Variants in RBFOX1 observed in about 807,000 individuals in gnomAD.
RBFOX1 encodes RNA binding protein fox-1 homolog 1.
In RBFOX1, 8 loss-of-function variants were observed where a neutral mutation model predicts 57.7. The ratio of observed to expected loss-of-function variants is 0.14; its 90% CI spans 0.08 to 0.25. The LOEUF (loss-of-function observed/expected upper bound fraction) is 0.25. RBFOX1 is among the 10% of genes least tolerant of loss of function. RBFOX1 has a pLI of 1.00. For synonymous variants in RBFOX1, 326 were observed against 222.4 expected, an observed-to-expected ratio of 1.47 and a Z score of -4.15; for missense variants, 611 against 548.5, an observed-to-expected ratio of 1.11 and a Z score of -1.14.
At chr16:6,474,736 G>A (rs2095246352) in intron 2 of RBFOX1, among the ~76,000 whole-genome samples, 1 of 152,124 alleles carries the variant, frequency 6.6e-6, no homozygotes, top group Non-Finnish European at 1.5e-5. Flanking sequence ...CTTTCATACT[G>A]CTGCTGGGAA....
chr16:6,364,248 A>G (rs927107866), intron 2 of RBFOX1, among the ~76,000 whole-genome samples: 2 of 152,206 alleles, frequency 1.3e-5, no homozygotes, highest in African/African-American at 4.8e-5. Context: ...CACACAGTAT[A>G]AAGCCCTTTA....
intron 1 of RBFOX1, among the ~76,000 whole-genome samples, chr16:6,278,377 CAAAAAAAAAAAA>C (rs57523660): frequency 6.1e-4 from 17 of 28,070 alleles, no homozygotes; most frequent in South Asian, 2.9e-3. Context: ...TAGGACTCAC[CAAAAAAAAAAAA>C]AAAAAAAAAA....
intron 2 of RBFOX1, among the ~76,000 whole-genome samples, chr16:6,530,656 A>G (rs377099149): frequency 1.5e-4 from 23 of 152,204 alleles, no homozygotes; most frequent in African/African-American, 5.3e-4. Context: ...AGGCCTCACA[A>G]TCATGGTGGA....
At chr16:6,468,241 C>G (rs1272165996) in intron 2 of RBFOX1, among the ~76,000 whole-genome samples, 1 of 151,934 alleles carries the variant, frequency 6.6e-6, no homozygotes, top group Non-Finnish European at 1.5e-5. Flanking sequence ...TATGAAGGGC[C>G]CACAGTTTAC....
chr16:6,482,642 C>G (rs2095389646), intron 2 of RBFOX1, among the ~76,000 whole-genome samples: 1 of 152,080 alleles, frequency 6.6e-6, no homozygotes, highest in Non-Finnish European at 1.5e-5. Flanking sequence ...TCATTTAGTA[C>G]GTAACGTGGA....
In RBFOX1 at chr16:7,710,810, C is replaced by CA; in HGVS notation, c.*67dup. 2.2e-6 allele frequency: 3 copies of CA among 1,343,258 alleles called. No individual in the cohort carries two copies. The highest frequency in any genetic ancestry group is 3.0e-6 in the Non-Finnish European group (3 of 1,014,124). The allele number at this position is 1,343,258 out of a possible 1,614,324, so 83.2% of individuals were successfully genotyped here. A position where few individuals can be genotyped will look rare whatever the true frequency, so the allele number is the denominator to read the frequency against. On this transcript the variant is annotated 3_prime_UTR_variant, in exon 16 of 16. Transcript: ENST00000550418. ...GAAGCTTTCCGAGGCCTGAGTATTG[C>CA]AATACATGCAGTAGTACATCATTTT...
chr16:5,780,116 C>T (rs1282675586), intron 3 of RBFOX1, among the ~76,000 whole-genome samples: 1 of 152,188 alleles, frequency 6.6e-6, no homozygotes, highest in Non-Finnish European at 1.5e-5. Context: ...GAGTTCTCTG[C>T]CTCAGCATCC....
At chr16:6,016,259 A>G (rs905500778), upstream of RBFOX1, among the ~76,000 whole-genome samples, 1 of 152,118 alleles carries the variant, frequency 6.6e-6, no homozygotes, top group Non-Finnish European at 1.5e-5. Context: ...ATCTGTGCCT[A>G]TGGGGGGCTG....
chr16:7,384,556 A>G (rs546563754), intron 4 of RBFOX1, among the ~76,000 whole-genome samples: 22 of 152,186 alleles, frequency 1.4e-4, no homozygotes, highest in Non-Finnish European at 2.2e-4. Context: ...TCATTTATCT[A>G]TCCATCTGGG....
At chr16:7,464,521 T>G (rs944329398) in intron 4 of RBFOX1, among the ~76,000 whole-genome samples, 10 of 152,036 alleles carry the variant, frequency 6.6e-5, no homozygotes, top group African/African-American at 2.4e-4. Flanking sequence ...ACCTCTTTTC[T>G]AGTAATTTCA....
intron 4 of RBFOX1, among the ~76,000 whole-genome samples, chr16:7,076,441 A>G (rs199808442): frequency 6.6e-6 from 1 of 152,186 alleles, no homozygotes; most frequent in Admixed American, 6.5e-5. Flanking sequence ...GCTTGAGAAA[A>G]AAGTTAAGAA....
chr16:7,565,765 C>T (rs2091521723), intron 5 of RBFOX1, among the ~76,000 whole-genome samples: 1 of 152,104 alleles, frequency 6.6e-6, no homozygotes, highest in Non-Finnish European at 1.5e-5. Flanking sequence ...GCTGGCTCTT[C>T]AAAGTACACT....
chr16:7,124,830 A>C (rs944389404), intron 4 of RBFOX1, among the ~76,000 whole-genome samples: 1 of 152,030 alleles, frequency 6.6e-6, no homozygotes, highest in African/African-American at 2.4e-5. Context: ...TCCTGTTTCT[A>C]CTGTATGACT....
intron 4 of RBFOX1, among the ~76,000 whole-genome samples, chr16:7,391,660 G>C (rs1330133642): frequency 1.3e-5 from 2 of 152,270 alleles, no homozygotes; most frequent in East Asian, 3.9e-4. Context: ...TAATGATTTG[G>C]TTTATGATAC....
intron 4 of RBFOX1, among the ~76,000 whole-genome samples, chr16:7,378,642 G>T (rs763364961): frequency 6.6e-6 from 1 of 152,110 alleles, no homozygotes; most frequent in Admixed American, 6.6e-5. Context: ...AAGAATGCTT[G>T]GTACAAATTC....
At chr16:6,692,334 T>C (rs889144592) in intron 3 of RBFOX1, among the ~76,000 whole-genome samples, 1 of 5,410 alleles carries the variant, frequency 1.8e-4, no homozygotes, top group African/African-American at 2.0e-4. Context: ...TCACTAAGTG[T>C]TTCATCTTCT....
intron 4 of RBFOX1, among the ~76,000 whole-genome samples, chr16:7,481,719 G>A (rs1009318399): frequency 6.6e-6 from 1 of 151,998 alleles, no homozygotes; most frequent in African/African-American, 2.4e-5. Flanking sequence ...ACTTAGGATG[G>A]GATCATACTG....
rs147170269 is a variant in RBFOX1, at chr16:6,891,950, G to A, written c.-15-160107G>A. Among the ~76,000 whole-genome samples the A allele has an allele frequency of 6.7e-3, 1,020 of 152,210 alleles. 10 individuals are homozygous for A. Among genetic ancestry groups the A allele is most frequent in the African/African-American group, 0.023 (965 of 41,540 alleles). On this transcript the variant is annotated intron_variant, in intron 3 of 15. Coordinates refer to ENST00000550418, the MANE Select transcript of RBFOX1 (RefSeq NM_018723.4). ...AGTCGGTTTTCTGAGAAGGAGCTGT[G>A]GCTGGTTGTATTAACATTTGCATTT...
chr16:6,573,289 CAG>C (rs2097370982), intron 2 of RBFOX1, among the ~76,000 whole-genome samples: 1 of 152,136 alleles, frequency 6.6e-6, no homozygotes, highest in Non-Finnish European at 1.5e-5. Flanking sequence ...CGAAGTCTGC[CAG>C]GGGACGCCAT....
Sources: allele counts gnomAD v4.1 joint callset (sites outside exome capture counted in the v4.1 genomes callset), GRCh38; gene constraint gnomAD v4.1.1; transcripts MANE v1.5; gene names NCBI Gene and HGNC (gene_info 2026-07-23, HGNC 2026-07-21).